RMC1: variants seen among roughly 807,000 people sequenced by gnomAD.
RMC1 encodes the protein regulator of MON1-CCZ1.
Under a neutral mutation model 95.5 loss-of-function variants are expected in RMC1, and 44 were observed. That is an observed-to-expected ratio of 0.46 (90% CI 0.36 to 0.59). The LOEUF (loss-of-function observed/expected upper bound fraction) is 0.59. Among genes scored for constraint, RMC1 ranks in the 20% least tolerant of loss-of-function variants. RMC1 has a pLI of 0.00. For missense variants in RMC1, 705 were observed against 819.6 expected (o/e 0.86, Z 1.71); for synonymous variants, 320 against 303.6 (o/e 1.05, Z -0.56).
At chr18:23,509,316 T>G in intron 5 of RMC1, 37 bp downstream of exon 5, 1 of 1,051,512 alleles carries the variant, frequency 9.5e-7, no homozygotes, top group African/African-American at 1.6e-5. Context: ...TGGTTAAAGT[T>G]CAGTGATAGC....
At chr18:23,528,056 A>G (rs969685203) in intron 14 of RMC1, among the ~76,000 whole-genome samples, 155 bp downstream of exon 14, 1 of 152,208 alleles carries the variant, frequency 6.6e-6, no homozygotes, top group African/African-American at 2.4e-5. Context: ...AGTGGGGGAT[A>G]GTGGAGGAGT....
chr18:23,505,357 C>T (rs1197535302), intron 2 of RMC1, among the ~76,000 whole-genome samples: 1 of 152,146 alleles, frequency 6.6e-6, no homozygotes, highest in Non-Finnish European at 1.5e-5. Flanking sequence ...CCGCTGCACC[C>T]GGCCTGAGCA....
At position 23,517,527 on chromosome 18, in the gene RMC1, A is replaced by G. The variant is rs778580179; in HGVS notation, c.653+1104A>G. ...AATGAAAATTTTAAACACACAATAGAGACTAATAAAAAAGAACCCCTGTAT... is the reference window on the plus strand; with the variant it reads ...AATGAAAATTTTAAACACACAATAGGGACTAATAAAAAAGAACCCCTGTAT... On this transcript the variant is annotated intron_variant, in intron 7 of 19. Transcript: ENST00000269221. Among the ~76,000 whole-genome samples, 57 of 152,318 alleles carry G rather than the reference A, an allele frequency of 3.7e-4. No homozygotes were observed. In the Middle Eastern group the frequency reaches 0.017, roughly 45 times the overall value.
intron 7 of RMC1, among the ~76,000 whole-genome samples, chr18:23,517,700 C>T (rs897443766): frequency 2.0e-5 from 3 of 151,700 alleles, no homozygotes; most frequent in African/African-American, 7.3e-5. Flanking sequence ...TTTAAACGTA[C>T]TCTTCTGTGG....
chr18:23,527,738 A>G, intron 13 of RMC1, 57 bp from the exon 14 acceptor site: 2 of 1,405,116 alleles, frequency 1.4e-6, no homozygotes, highest in South Asian at 1.2e-5. Flanking sequence ...ACGTGTGGAA[A>G]TTCTGAAGCT....
chr18:23,509,872 A>T (rs2057805272), intron 5 of RMC1, among the ~76,000 whole-genome samples: 1 of 145,176 alleles, frequency 6.9e-6, no homozygotes, highest in Non-Finnish European at 1.5e-5. Context: ...GCTAATTTTT[A>T]AACTTTTTTG....
chr18:23,516,223 C>T (rs1476538541), intron 6 of RMC1, 97 bp from the exon 7 acceptor site: 24 of 1,443,660 alleles, frequency 1.7e-5, no homozygotes, highest in South Asian at 8.1e-5. Context: ...GATCCAAAGA[C>T]GAAGTCTGTG....
intron 10 of RMC1, among the ~76,000 whole-genome samples, chr18:23,523,446 C>T (rs946254125): frequency 3.3e-4 from 47 of 141,454 alleles, no homozygotes; most frequent in African/African-American, 1.2e-3. Flanking sequence ...CACAGTGGCT[C>T]ATGCCTGTAA....
chr18:23,512,060 G>A (rs565416167), intron 5 of RMC1, among the ~76,000 whole-genome samples: 58 of 137,304 alleles, frequency 4.2e-4, no homozygotes, highest in African/African-American at 1.5e-3. Flanking sequence ...TCACTCCGTC[G>A]CCCAGGCTGG....
intron 14 of RMC1, 104 bp from the exon 15 acceptor site, chr18:23,529,075 T>C (rs2058399511): frequency 1.3e-6 from 2 of 1,502,340 alleles, no homozygotes; most frequent in Admixed American, 2.2e-5. Context: ...TTTCCGCTCA[T>C]ATCCTGGGTC....
At chr18:23,529,918 A>C (rs2058438646) in intron 16 of RMC1, 110 bp from the exon 17 acceptor site, 1 of 1,152,500 alleles carries the variant, frequency 8.7e-7, no homozygotes, top group South Asian at 1.4e-5. Context: ...ACTTCTTGTA[A>C]TGACAGACTT....
chr18:23,526,720 C>T lies in RMC1; in HGVS notation c.1144C>T (p.Gln382Ter). The change falls in exon 13 of 20, where the codon CAG becomes TAG. Residue 382 changes from glutamine to a stop codon, truncating the protein, a stop_gained. Coordinates refer to ENST00000269221, the MANE Select transcript of RMC1 (RefSeq NM_013326.5). LOFTEE classifies it high-confidence loss of function. ...DKGRLMDFLLQRKECKMVILS... is the reference protein window; with the variant it reads ...DKGRLMDFLL The stretch of plus-strand genomic sequence containing the variant: ...AGGAAGACTCATGGACTTTCTCCTC[C>T]AGAGAAAGGAATGCAAGATGGTCAT... The T allele has an allele frequency of 6.2e-7, 1 of 1,614,028 alleles. No individual in the cohort carries two copies. The highest frequency in any genetic ancestry group is 8.5e-7 in the Non-Finnish European group (1 of 1,179,898).
chr18:23,514,180 G>A (rs944904717), intron 5 of RMC1, among the ~76,000 whole-genome samples: 2 of 152,224 alleles, frequency 1.3e-5, no homozygotes, highest in African/African-American at 4.8e-5. Context: ...ACACCTGTGT[G>A]TTAATGCCAT....
chr18:23,510,524 G>A (rs1465466279), intron 5 of RMC1, among the ~76,000 whole-genome samples: 1 of 152,088 alleles, frequency 6.6e-6, no homozygotes, highest in African/African-American at 2.4e-5. Flanking sequence ...GCAGGCACCT[G>A]TAATCCCAGC....
intron 14 of RMC1, chr18:23,528,239 T>G (rs560768126): frequency 5.4e-6 from 1 of 183,794 alleles, no homozygotes; most frequent in South Asian, 1.4e-4. Context: ...TTTTCTGTTA[T>G]GCCAGAGTGA....
intron 3 of RMC1, 44 bp downstream of exon 3, chr18:23,507,098 T>C (rs374029946): frequency 2.2e-6 from 3 of 1,362,564 alleles, no homozygotes; most frequent in Non-Finnish European, 3.1e-6. Flanking sequence ...GCATTAGAAA[T>C]ACATTTGGAA....
chr18:23,527,033 T>C (rs1355550500), intron 13 of RMC1, among the ~76,000 whole-genome samples: 1 of 152,066 alleles, frequency 6.6e-6, no homozygotes, highest in Non-Finnish European at 1.5e-5. Flanking sequence ...CCCCTGGCCT[T>C]CACACACACC....
chr18:23,507,190 A>T, intron 3 of RMC1, 136 bp downstream of exon 3: 1 of 511,334 alleles, frequency 2.0e-6, no homozygotes, highest in East Asian at 3.5e-5. Flanking sequence ...GTTGCATTGT[A>T]TTAGAGCCTT....
In RMC1 at chr18:23,509,202, G is replaced by A. The variant is rs2057786378; in HGVS notation, c.331G>A (p.Ala111Thr). The A allele has an allele frequency of 1.4e-6, 2 of 1,395,794 alleles. No homozygotes were observed. Among genetic ancestry groups the A allele is most frequent in the Admixed American group, 5.4e-5 (2 of 36,806 alleles). 86.5% of individuals were successfully genotyped at this position (1,395,794 alleles called of 1,614,324 possible). A position where few individuals can be genotyped will look rare whatever the true frequency, so the allele number is the denominator to read the frequency against. ...AAAAAATTTTTCTTAGACTAAGAAT[G>A]CCAACATTCTAGGATTCTGCTGGAC... ...EYTQECKTKN[A>T]NILGFCWTSS... The change falls in exon 5 of 20, where the codon GCC becomes ACC. Residue 111 changes from alanine (A) to threonine (T), a missense_variant. Transcript: ENST00000269221.
Sources: allele counts gnomAD v4.1 joint callset (sites outside exome capture counted in the v4.1 genomes callset), GRCh38; gene constraint gnomAD v4.1.1; transcripts MANE v1.5; gene names NCBI Gene and HGNC (gene_info 2026-07-23, HGNC 2026-07-21).